Variants in CWF19L2 observed in about 807,000 individuals in gnomAD.
The protein encoded by CWF19L2 is CWF19 like cell cycle control factor 2.
CWF19L2 carries 98 observed loss-of-function variants against 111.7 expected under a neutral mutation model. The observed-to-expected ratio is 0.88, with a 90% CI of 0.75 to 1.04. The LOEUF (loss-of-function observed/expected upper bound fraction) is 1.04, where lower values mean the gene tolerates loss of function less well. Ranked by LOEUF, CWF19L2 falls within the 50% of genes least tolerant of loss-of-function variation. The probability of loss-of-function intolerance (pLI) is 0.00; values close to 1 mark genes in which losing one functional copy is unlikely to be tolerated. For synonymous variants in CWF19L2, 351 were observed against 342.9 expected (o/e 1.02, Z -0.26); for missense variants, 1,101 against 1,051.4 (o/e 1.05, Z -0.65).
intron 7 of CWF19L2, among the ~76,000 whole-genome samples, chr11:107,433,136 T>C (rs1022430308): frequency 1.8e-4 from 27 of 152,008 alleles, no homozygotes; most frequent in Admixed American, 1.7e-3. Context: ...CCCCCGGCAA[T>C]TGAAGAGAAA....
chr11:107,385,113 C>G (rs950770996), intron 12 of CWF19L2, among the ~76,000 whole-genome samples: 1 of 151,798 alleles, frequency 6.6e-6, no homozygotes, highest in East Asian at 1.9e-4. Context: ...CTTTTAGTAA[C>G]GCCTCAAATT....
Position 107,339,044 on chromosome 11 carries a change from G to A in CWF19L2, c.2203-2331C>T, listed in dbSNP as rs373465133. Among the ~76,000 whole-genome samples the A allele has an allele frequency of 1.3e-3, 194 of 152,232 alleles. 1 individual carries two copies. The highest frequency in any genetic ancestry group is 4.4e-3 in the African/African-American group (183 of 41,526). On this transcript the variant is annotated intron_variant, in intron 14 of 17. Transcript: ENST00000282251. ...ACACTCCCACAAACAGTGTATAAGCGTTCCTTTTTCTCTACAACCTCACCA... is the reference window on the plus strand; with the variant it reads ...ACACTCCCACAAACAGTGTATAAGCATTCCTTTTTCTCTACAACCTCACCA...
At chr11:107,412,166 G>A (rs909169144) in intron 10 of CWF19L2, among the ~76,000 whole-genome samples, 2 of 152,162 alleles carry the variant, frequency 1.3e-5, no homozygotes, top group South Asian at 4.1e-4. Context: ...AGTGACAAGT[G>A]CCAGGAAAGA....
At chr11:107,330,656 ACACAC>A (rs1859835846) in intron 16 of CWF19L2, among the ~76,000 whole-genome samples, 1 of 72,520 alleles carries the variant, frequency 1.4e-5, no homozygotes, top group African/African-American at 4.6e-5. Context: ...ACACACACAC[ACACAC>A]ACACACACAC....
At position 107,429,168 on chromosome 11, in the gene CWF19L2, T is replaced by A; in HGVS notation, c.1064A>T (p.Gln355Leu). ...ATTGCCAAAAGAAAACTCTTGATTT[T>A]GCCTTGGGTTAGATTCTCTTCTACA... ...ETCRRESNPR[Q>L]NQEFSFGNLR... Residue 355 changes from glutamine to leucine, a missense_variant, in exon 8 of 18, where the codon CAA (glutamine) becomes CTA (leucine). Gln to Leu is a moderately radical substitution (Grantham distance 113). Transcript: ENST00000282251. 1 of 1,613,864 alleles carries A rather than the reference T, an allele frequency of 6.2e-7. No homozygotes were observed. The highest frequency in any genetic ancestry group is 8.5e-7 in the Non-Finnish European group (1 of 1,179,804).
intron 9 of CWF19L2, among the ~76,000 whole-genome samples, 155 bp downstream of exon 9, chr11:107,418,039 C>T (rs1443591343): frequency 6.6e-6 from 1 of 152,156 alleles, no homozygotes; most frequent in Admixed American, 6.5e-5. Context: ...GGATTACAGG[C>T]ATGGTGCCAG....
At chr11:107,402,894 TATATATATAATGGA>T (rs1319203160) in intron 10 of CWF19L2, among the ~76,000 whole-genome samples, 45 of 99,642 alleles carry the variant, frequency 4.5e-4, no homozygotes, top group African/African-American at 1.7e-3. Context: ...TATATATATA[TATATATATAATGGA>T]ATACTATGCA....
At chr11:107,409,624 A>G (rs1458016902) in intron 10 of CWF19L2, among the ~76,000 whole-genome samples, 2 of 152,136 alleles carry the variant, frequency 1.3e-5, no homozygotes, top group African/African-American at 4.8e-5. Context: ...AGGGCAGATT[A>G]GGACTAACAT....
chr11:107,394,463 T>A (rs1342831817), intron 10 of CWF19L2, among the ~76,000 whole-genome samples: 1 of 152,212 alleles, frequency 6.6e-6, no homozygotes, highest in Non-Finnish European at 1.5e-5. Context: ...TAAATTGTCA[T>A]CTTCCCTGAT....
chr11:107,354,835 TAGTA>T (rs1338052947), intron 12 of CWF19L2, among the ~76,000 whole-genome samples: 3 of 152,236 alleles, frequency 2.0e-5, no homozygotes, highest in Admixed American at 1.3e-4. Flanking sequence ...TCATCAGTTG[TAGTA>T]AGTGTCTTCC....
intron 3 of CWF19L2, 37 bp downstream of exon 3, chr11:107,454,413 C>T: frequency 7.8e-7 from 1 of 1,279,794 alleles, no homozygotes; most frequent in Non-Finnish European, 9.9e-7. Context: ...AAAATGTTCT[C>T]AAATAGCTGC....
In CWF19L2 at chr11:107,448,770, G is replaced by C. The variant is rs542610621; in HGVS notation, c.339+5680C>G. Among the ~76,000 whole-genome samples the C allele has an allele frequency of 3.9e-5, 6 of 152,204 alleles. No homozygotes were observed. The South Asian group carries it at 1.0e-3, about 26-fold the overall frequency. ...AAGAGCACTCCCTTCTGCCATATGAGGTTAGAGTGAGAAGACAGCCATCTC... is the reference window on the plus strand; with the variant it reads ...AAGAGCACTCCCTTCTGCCATATGACGTTAGAGTGAGAAGACAGCCATCTC... On this transcript the variant is annotated intron_variant, in intron 3 of 17. Transcript: ENST00000282251.
rs148656793 is a variant in CWF19L2 at position 107,373,617 on chromosome 11, T to C, written c.1872+16457A>G. On this transcript the variant is annotated intron_variant, in intron 12 of 17. Coordinates refer to ENST00000282251, the MANE Select transcript of CWF19L2 (RefSeq NM_152434.3). ...AGGACATCCACACCAAAAACCCATC[T>C]GTACATCACCATCATCAAAGACCAA... 2.0e-4 allele frequency among the ~76,000 whole-genome samples: 26 copies of C among 127,882 alleles called. 3 individuals carry two copies. The highest frequency in any genetic ancestry group is 1.0e-4 in the Non-Finnish European group (6 of 59,308). The allele number at this position is 127,882 out of a possible 152,430, so 83.9% of individuals were successfully genotyped here.
intron 12 of CWF19L2, among the ~76,000 whole-genome samples, chr11:107,361,161 C>A (rs1860327046): frequency 6.6e-6 from 1 of 152,184 alleles, no homozygotes; most frequent in African/African-American, 2.4e-5. Flanking sequence ...TTTCATACTT[C>A]TTCTGCATAG....
chr11:107,371,026 T>TC (rs1860501422), intron 12 of CWF19L2, among the ~76,000 whole-genome samples: 1 of 126,398 alleles, frequency 7.9e-6, no homozygotes, highest in Non-Finnish European at 1.7e-5. Flanking sequence ...TTTTTTTTTT[T>TC]TTTTTGAGAC....
intron 12 of CWF19L2, among the ~76,000 whole-genome samples, chr11:107,379,918 G>A (rs571406788): frequency 3.3e-5 from 5 of 151,614 alleles, no homozygotes; most frequent in East Asian, 3.9e-4. Flanking sequence ...AAAATTAGCC[G>A]GGCATGGTTG....
At chr11:107,343,314 T>G (rs927336640) in intron 14 of CWF19L2, among the ~76,000 whole-genome samples, 3 of 152,158 alleles carry the variant, frequency 2.0e-5, no homozygotes, top group African/African-American at 7.2e-5. Flanking sequence ...TACACACATT[T>G]AGGACTGCTA....
chr11:107,436,012 G>A (rs1861535890), intron 6 of CWF19L2, among the ~76,000 whole-genome samples: 1 of 151,898 alleles, frequency 6.6e-6, no homozygotes, highest in Non-Finnish European at 1.5e-5. Context: ...AAATTAGCTG[G>A]GTGTGGTGGC....
Position 107,329,953 on chromosome 11 carries a change from C to T in CWF19L2, c.2506G>A (p.Glu836Lys). ...GLHGGFAHVI[E>K]DQHKFPHYFG... ...TAATGAGGGAATTTGTGCTGATCTT[C>T]AATGACATGGGCAAACCCTCCGTGA... is the stretch of plus-strand genomic sequence containing the variant. Residue 836 changes from glutamate to lysine, a missense_variant, in exon 17 of 18, where the codon GAA becomes AAA. Glu to Lys is a moderately conservative substitution (Grantham distance 56). Transcript: ENST00000282251. The T allele has an allele frequency of 1.3e-6, 2 of 1,592,798 alleles. No homozygotes were observed. Among genetic ancestry groups the T allele is most frequent in the Non-Finnish European group, 1.7e-6 (2 of 1,169,702 alleles).
Sources: allele counts gnomAD v4.1 joint callset (sites outside exome capture counted in the v4.1 genomes callset), GRCh38; gene constraint gnomAD v4.1.1; transcripts MANE v1.5; gene names NCBI Gene and HGNC (gene_info 2026-07-23, HGNC 2026-07-21).